PRKDC: variants seen among roughly 807,000 people sequenced by gnomAD.
PRKDC encodes the protein protein kinase, DNA-activated, catalytic subunit.
In PRKDC, 82 loss-of-function variants were observed where a neutral mutation model predicts 486.9. That is an observed-to-expected ratio of 0.17 (90% CI 0.14 to 0.20). The LOEUF is 0.20. Ranked by LOEUF, PRKDC falls within the 10% of genes least tolerant of loss-of-function variation. PRKDC has a pLI of 1.00. For missense variants in PRKDC, 4,504 were observed against 5,038.2 expected, an observed-to-expected ratio of 0.89 and a Z score of 3.21; for synonymous variants, 1,895 against 1,837.0, an observed-to-expected ratio of 1.03 and a Z score of -0.81.
Position 47,893,242 on chromosome 8 carries a change from G to A in PRKDC, c.3744C>T (p.Phe1248=), listed in dbSNP as rs200729621. The A allele has an allele frequency of 2.5e-5, 40 of 1,612,538 alleles. No individual in the cohort carries two copies. The Admixed American group carries it at 4.5e-4, about 18-fold the overall frequency. The change falls in exon 31 of 86, where the codon TTC becomes TTT. Residue 1248 remains phenylalanine, a synonymous_variant. Coordinates refer to ENST00000314191, the MANE Select transcript of PRKDC (RefSeq NM_006904.7). ...QPTLLYLRGP[F]SLQATLCWLD... ...GCCAGCATAGCGTGGCCTGCAGGCTGAATGGCCCCCGAAGGTACAAGAGGG... is the reference window on the plus strand; with the variant it reads ...GCCAGCATAGCGTGGCCTGCAGGCTAAATGGCCCCCGAAGGTACAAGAGGG...
At chr8:47,936,935 T>C (rs902206704) in intron 11 of PRKDC, among the ~76,000 whole-genome samples, 5 of 150,342 alleles carry the variant, frequency 3.3e-5, no homozygotes, top group African/African-American at 1.2e-4. Flanking sequence ...ACAAGCTTTT[T>C]AATTAAGAAG....
rs190789463 is a variant in PRKDC, at chr8:47,892,583, G to A, written c.3847+556C>T. Among the ~76,000 whole-genome samples the A allele has an allele frequency of 3.8e-3, 584 of 152,096 alleles. 5 individuals carry two copies. Among genetic ancestry groups the A allele is most frequent in the African/African-American group, 0.013 (548 of 41,484 alleles). On this transcript the variant is annotated intron_variant, in intron 31 of 85. Coordinates refer to ENST00000314191, the MANE Select transcript of PRKDC (RefSeq NM_006904.7). Reference sequence around the variant, plus strand: ...TGGGCTCAAGTGGTCCTCCTGCCTCGGCTTCCCAAAGTGCTGGGATTACAG... The same window carrying A: ...TGGGCTCAAGTGGTCCTCCTGCCTCAGCTTCCCAAAGTGCTGGGATTACAG...
At chr8:47,793,683 T>TAAAAAAAAAAA (rs397892514) in intron 74 of PRKDC, among the ~76,000 whole-genome samples, 33 of 72,798 alleles carry the variant, frequency 4.5e-4, no homozygotes, top group East Asian at 7.8e-4. Flanking sequence ...TTAAAAAAAC[T>TAAAAAAAAAAA]AAAAAAAAAA....
chr8:47,943,194 T>C lies in PRKDC; in HGVS notation c.966+15A>G, dbSNP rs1338916648. The C allele has an allele frequency of 1.9e-6, 3 of 1,605,900 alleles. No individual in the cohort carries two copies. The highest frequency in any genetic ancestry group is 2.2e-5 in the East Asian group (1 of 44,834). ...TGAAAGAAATATTGTTAAATGACAG[T>C]TGAATTTGTGGTACCTGTTTCAGAA... On this transcript the variant is annotated intron_variant, in intron 10 of 85. Coordinates refer to ENST00000314191, the MANE Select transcript of PRKDC (RefSeq NM_006904.7).
chr8:47,789,080 A>G, intron 75 of PRKDC, 31 bp from the exon 76 acceptor site: 1 of 1,612,382 alleles, frequency 6.2e-7, no homozygotes, highest in Non-Finnish European at 8.5e-7. Context: ...TAAGAAAAAA[A>G]TCAAGCTAGA....
At position 47,821,608 on chromosome 8, in the gene PRKDC, T is replaced by C. The variant is rs767730320; in HGVS notation, c.9107A>G (p.Tyr3036Cys). The change falls in exon 65 of 86, where the codon TAT (tyrosine) becomes TGT (cysteine). Residue 3036 changes from tyrosine to cysteine, a missense_variant. By Grantham distance (194) the Tyr-to-Cys change is radical. Transcript: ENST00000314191. ...DLNKIWSEPF[Y>C]QETYLPYMIR... The stretch of plus-strand genomic sequence containing the variant: ...ACTTAAAATAATTTTACCCACCTGA[T>C]AAAATGGTTCACTCCAGATTTTATT... 1 of 1,592,384 alleles carries C rather than the reference T, an allele frequency of 6.3e-7. No individual in the cohort carries two copies. The highest frequency in any genetic ancestry group is 8.6e-7 in the Non-Finnish European group (1 of 1,167,408).
At chr8:47,802,612 C>T (rs965952032) in intron 70 of PRKDC, among the ~76,000 whole-genome samples, 1 of 150,466 alleles carries the variant, frequency 6.6e-6, no homozygotes, top group Non-Finnish European at 1.5e-5. Context: ...AGAGCAGCTT[C>T]GAAGACAGGC....
Position 47,799,507 on chromosome 8 carries a change from A to C in PRKDC, c.10117-117T>G, listed in dbSNP as rs532247728. ...ATCAACAGCTCCAAAATAACACTGA[A>C]GCTATGGAACTGGAAAAACAAGAGT... On this transcript the variant is annotated intron_variant, in intron 71 of 85. Transcript: ENST00000314191. The C allele has an allele frequency of 6.8e-6, 7 of 1,033,178 alleles. No homozygotes were observed. The African/African-American group carries it at 1.1e-4, about 17-fold the overall frequency. 64.0% of individuals were successfully genotyped at this position (1,033,178 alleles called of 1,614,324 possible).
At chr8:47,821,067 G>A (rs1167494042) in intron 65 of PRKDC, 124 bp from the exon 66 acceptor site, 1 of 589,004 alleles carries the variant, frequency 1.7e-6, no homozygotes, top group Admixed American at 3.6e-5. Flanking sequence ...AAGCGATGAT[G>A]TTTGATGTCT....
At chr8:47,878,649 T>C (rs1228771524) in intron 39 of PRKDC, among the ~76,000 whole-genome samples, 1 of 152,208 alleles carries the variant, frequency 6.6e-6, no homozygotes, top group Non-Finnish European at 1.5e-5. Flanking sequence ...TTCTGCTTTC[T>C]AGGAGATACC....
In PRKDC at chr8:47,800,996, TA is replaced by T. The variant is rs573568510; in HGVS notation, c.9923-11del. The T allele has an allele frequency of 1.2e-6, 2 of 1,611,818 alleles. No homozygotes were observed. The highest frequency in any genetic ancestry group is 8.5e-7 in the Non-Finnish European group (1 of 1,178,900). On this transcript the variant is annotated splice_polypyrimidine_tract_variant and intron_variant, in intron 70 of 85. Transcript: ENST00000314191. Reference sequence around the variant, plus strand: ...GACACGTTGTTCTCATCTGTTGGATTAAAAAAACAAAACAAAACAAAATTTT... The same window carrying T: ...GACACGTTGTTCTCATCTGTTGGATTAAAAAACAAAACAAAACAAAATTTT...
Position 47,863,920 on chromosome 8 carries a change from G to A in PRKDC, c.5572-343C>T, listed in dbSNP as rs531205689. On this transcript the variant is annotated intron_variant, in intron 41 of 85. Coordinates refer to ENST00000314191, the MANE Select transcript of PRKDC (RefSeq NM_006904.7). ...AGTCTGCATTAACAATGCAGCATCTGGGTATTCATAGTATTTCCCAACAGG... is the reference window on the plus strand; with the variant it reads ...AGTCTGCATTAACAATGCAGCATCTAGGTATTCATAGTATTTCCCAACAGG... 2.7e-4 allele frequency among the ~76,000 whole-genome samples: 41 copies of A among 152,260 alleles called. No individual in the cohort carries two copies. In the South Asian group the frequency reaches 8.3e-3, roughly 31 times the overall value.
chr8:47,915,319 G>C lies in PRKDC; in HGVS notation c.2617+9C>G, dbSNP rs761094824. 1.4e-6 allele frequency: 2 copies of C among 1,472,312 alleles called. No individual in the cohort carries two copies. The highest frequency in any genetic ancestry group is 9.3e-7 in the Non-Finnish European group (1 of 1,078,162). The allele number at this position is 1,472,312 out of a possible 1,614,324, so 91.2% of individuals were successfully genotyped here. A position where few individuals can be genotyped will look rare whatever the true frequency, so the allele number is the denominator to read the frequency against. Reference sequence around the variant, plus strand: ...TCTACAGAGGTTATTTATTTTAAAAGAAGTTTACCTGTCAGAAGATTTTTG... The same window carrying C: ...TCTACAGAGGTTATTTATTTTAAAACAAGTTTACCTGTCAGAAGATTTTTG... On this transcript the variant is annotated intron_variant, in intron 23 of 85. Coordinates refer to ENST00000314191, the MANE Select transcript of PRKDC (RefSeq NM_006904.7).
chr8:47,945,090 T>C (rs1037985561), intron 7 of PRKDC, among the ~76,000 whole-genome samples: 1 of 152,178 alleles, frequency 6.6e-6, no homozygotes, highest in African/African-American at 2.4e-5. Context: ...AACGCAAGTG[T>C]GCAGACACAA....
chr8:47,834,458 G>GTGGTCCT, intron 58 of PRKDC, 62 bp from the exon 59 acceptor site: 1 of 1,555,414 alleles, frequency 6.4e-7, no homozygotes, highest in Non-Finnish European at 8.8e-7. Flanking sequence ...CACGGGGCAG[G>GTGGTCCT]ACCACCTGCC....
intron 84 of PRKDC, 150 bp from the exon 85 acceptor site, chr8:47,777,133 A>G (rs1371519220): frequency 6.5e-6 from 6 of 922,670 alleles, no homozygotes; most frequent in Non-Finnish European, 9.7e-6. Context: ...CTGTTCATAC[A>G]GACTCCATGG....
chr8:47,956,308 G>A (rs897757802), intron 3 of PRKDC, among the ~76,000 whole-genome samples: 1 of 152,176 alleles, frequency 6.6e-6, no homozygotes, highest in African/African-American at 2.4e-5. Context: ...GTTGCAGTGA[G>A]CCAAGACTGT....
chr8:47,808,858 G>GATACC (rs2087266982), intron 68 of PRKDC, among the ~76,000 whole-genome samples: 1 of 151,822 alleles, frequency 6.6e-6, no homozygotes, highest in Non-Finnish European at 1.5e-5. Flanking sequence ...GCAACATAGT[G>GATACC]ATACCTCATC....
At chr8:47,832,080 G>C (rs1251661544) in intron 59 of PRKDC, among the ~76,000 whole-genome samples, 154 bp from the exon 60 acceptor site, 1 of 152,200 alleles carries the variant, frequency 6.6e-6, no homozygotes, top group Non-Finnish European at 1.5e-5. Context: ...GCTGCAACTG[G>C]AACTGCTCAG....
Sources: gnomAD v4.1 joint callset for allele counts (sites outside exome capture counted in the v4.1 genomes callset) on GRCh38, gnomAD v4.1.1 for gene constraint, MANE v1.5 for transcripts, NCBI Gene and HGNC (gene_info 2026-07-23, HGNC 2026-07-21) for gene names.